KIFAP3: variants seen among roughly 807,000 people sequenced by gnomAD.
The protein encoded by KIFAP3 is kinesin associated protein 3, also known as kinesin-associated protein 3.
Under a neutral mutation model 106.5 loss-of-function variants are expected in KIFAP3, and 68 were observed. The observed-to-expected ratio is 0.64, with a 90% CI of 0.53 to 0.78. KIFAP3 has a LOEUF of 0.78. KIFAP3 is among the 30% of genes least tolerant of loss of function. KIFAP3 has a pLI of 0.00. For synonymous variants in KIFAP3, 320 were observed against 311.5 expected (o/e 1.03, Z -0.29); for missense variants, 780 against 941.8 (o/e 0.83, Z 2.25).
intron 9 of KIFAP3, among the ~76,000 whole-genome samples, chr1:170,018,614 A>G (rs1287449297): frequency 7.1e-6 from 1 of 141,244 alleles, no homozygotes; most frequent in Non-Finnish European, 1.5e-5. Flanking sequence ...TATTTAATCA[A>G]AGGATTTATG....
At chr1:170,072,934 A>G (rs759803282) in intron 1 of KIFAP3, among the ~76,000 whole-genome samples, 3 of 152,186 alleles carry the variant, frequency 2.0e-5, no homozygotes, top group Non-Finnish European at 2.9e-5. Context: ...CATTACATTG[A>G]CTGGCTTGGT....
intron 16 of KIFAP3, 39 bp downstream of exon 16, chr1:169,978,046 G>T: frequency 2.4e-6 from 3 of 1,255,768 alleles, no homozygotes; most frequent in African/African-American, 1.5e-5. Flanking sequence ...TTCTGAATAT[G>T]TGAAATATTG....
chr1:169,942,045 T>A (rs61806094), intron 19 of KIFAP3, among the ~76,000 whole-genome samples: 142,343 of 152,214 alleles, frequency 0.94, 66,643 homozygotes, highest in East Asian at 0.99. Flanking sequence ...AACAACAATG[T>A]TATTTTTACT....
intron 17 of KIFAP3, among the ~76,000 whole-genome samples, chr1:169,961,960 G>A (rs1424728935): frequency 6.6e-6 from 1 of 152,096 alleles, no homozygotes; most frequent in African/African-American, 2.4e-5. Flanking sequence ...TGTGTAGGGG[G>A]ATTGGTCCCC....
chr1:170,053,140 CA>C, intron 2 of KIFAP3, among the ~76,000 whole-genome samples: 1 of 152,116 alleles, frequency 6.6e-6, no homozygotes, highest in Non-Finnish European at 1.5e-5. Flanking sequence ...GCAACTTCAG[CA>C]AAATTCTCAG....
intron 1 of KIFAP3, among the ~76,000 whole-genome samples, chr1:170,072,220 A>G (rs1671740268): frequency 6.6e-6 from 1 of 152,186 alleles, no homozygotes; most frequent in African/African-American, 2.4e-5. Context: ...GATTTGGCTC[A>G]TATTTCTTTC....
chr1:169,969,755 A>G (rs1334428599), intron 17 of KIFAP3, among the ~76,000 whole-genome samples: 1 of 151,982 alleles, frequency 6.6e-6, no homozygotes, highest in East Asian at 1.9e-4. Context: ...TGCCGTTAGT[A>G]CAAATAATCT....
chr1:170,011,251 T>TA (rs1202455695), intron 10 of KIFAP3, among the ~76,000 whole-genome samples: 2 of 151,708 alleles, frequency 1.3e-5, no homozygotes, highest in Non-Finnish European at 2.9e-5. Flanking sequence ...AAATAAAACT[T>TA]AAAAAAATCC....
intron 19 of KIFAP3, among the ~76,000 whole-genome samples, chr1:169,952,011 TATA>T (rs1195755693): frequency 6.6e-6 from 1 of 151,976 alleles, no homozygotes; most frequent in Non-Finnish European, 1.5e-5. Context: ...GTACAGTATT[TATA>T]ATGATTAAAC....
chr1:170,053,999 T>C (rs1670711373), intron 2 of KIFAP3, among the ~76,000 whole-genome samples: 1 of 152,188 alleles, frequency 6.6e-6, no homozygotes. Flanking sequence ...AAATGGGATC[T>C]AATTAAACTA....
rs555324214 is a variant in KIFAP3 at position 170,030,961 on chromosome 1, T to C, written c.841+925A>G. Among the ~76,000 whole-genome samples, 68 of 151,932 alleles carry C rather than the reference T, an allele frequency of 4.5e-4. 1 individual carries two copies. The South Asian group carries it at 0.014, about 31-fold the overall frequency. ...TATACAGTTTATTGTCTATCAGTTA[T>C]ACCTCAATAAAGCTGTTAAGAGAGT... On this transcript the variant is annotated intron_variant, in intron 8 of 19. Coordinates refer to ENST00000361580, the MANE Select transcript of KIFAP3 (RefSeq NM_014970.4).
chr1:169,983,326 T>G lies in KIFAP3; in HGVS notation c.1450A>C (p.Met484Leu). Residue 484 changes from methionine (M) to leucine (L), a missense_variant, in exon 13 of 20, where the codon ATG (methionine) becomes CTG (leucine). By Grantham distance (15) the Met-to-Leu change is conservative. Transcript: ENST00000361580. ...RALKFKDPLLMKMIRNISQHD... is the reference protein window; with the variant it reads ...RALKFKDPLLLKMIRNISQHD... Reference sequence around the variant, plus strand: ...TGAGAAATGTTTCTAATCATTTTCATCAGCAATGGATCCTTAAACTTCAGA... The same window carrying G: ...TGAGAAATGTTTCTAATCATTTTCAGCAGCAATGGATCCTTAAACTTCAGA... The G allele has an allele frequency of 6.2e-7, 1 of 1,609,994 alleles. No individual in the cohort carries two copies. The highest frequency in any genetic ancestry group is 8.5e-7 in the Non-Finnish European group (1 of 1,178,008).
In KIFAP3 at chr1:170,049,688, G is replaced by A. The variant is rs559963991; in HGVS notation, c.165-2822C>T. ...CAGCAGCTTCCACTGGTAATACCCAGGAGGACGGGGTCTGGAGTGGAATTG... is the reference window on the plus strand; with the variant it reads ...CAGCAGCTTCCACTGGTAATACCCAAGAGGACGGGGTCTGGAGTGGAATTG... On this transcript the variant is annotated intron_variant, in intron 2 of 19. Coordinates refer to ENST00000361580, the MANE Select transcript of KIFAP3 (RefSeq NM_014970.4). 1.7e-3 allele frequency among the ~76,000 whole-genome samples: 261 copies of A among 152,290 alleles called. 8 individuals carry two copies. The South Asian group carries it at 0.027, about 16-fold the overall frequency.
chr1:169,992,012 A>C (rs1667130191), intron 11 of KIFAP3, 143 bp downstream of exon 11: 1 of 411,446 alleles, frequency 2.4e-6, no homozygotes, highest in Admixed American at 4.4e-5. Context: ...ACAGTTCTGT[A>C]CTTCCTCAAT....
intron 10 of KIFAP3, among the ~76,000 whole-genome samples, chr1:170,005,248 C>T (rs879968190): frequency 6.6e-6 from 1 of 152,146 alleles, no homozygotes; most frequent in African/African-American, 2.4e-5. Flanking sequence ...GAACACTTTA[C>T]ACTGTTGGTG....
chr1:169,948,773 T>G (rs1664579990), intron 19 of KIFAP3, among the ~76,000 whole-genome samples: 1 of 152,018 alleles, frequency 6.6e-6, no homozygotes, highest in South Asian at 2.1e-4. Context: ...TTGGCCAAAT[T>G]AAGGGCTGTA....
upstream of KIFAP3, chr1:170,074,713 C>A (rs1671860500): frequency 7.2e-7 from 1 of 1,390,092 alleles, no homozygotes; most frequent in Non-Finnish European, 9.3e-7. Flanking sequence ...GCCGTCACGA[C>A]GCATGCGCTT....
chr1:170,021,874 C>T (rs931069189), intron 9 of KIFAP3, among the ~76,000 whole-genome samples: 2 of 151,410 alleles, frequency 1.3e-5, no homozygotes, highest in African/African-American at 2.4e-5. Context: ...AAAACCCAAA[C>T]CTGAGAGCTA....
intron 2 of KIFAP3, among the ~76,000 whole-genome samples, chr1:170,052,935 G>T (rs568787020): frequency 6.6e-6 from 1 of 152,156 alleles, no homozygotes; most frequent in Non-Finnish European, 1.5e-5. Flanking sequence ...ACCATCACAA[G>T]ACAAGGATGC....
Sources: allele counts gnomAD v4.1 joint callset (sites outside exome capture counted in the v4.1 genomes callset), GRCh38; gene constraint gnomAD v4.1.1; transcripts MANE v1.5; gene names NCBI Gene and HGNC (gene_info 2026-07-23, HGNC 2026-07-21).